The following RIC1 variants were observed in gnomAD, a reference collection of about 807,000 sequenced individuals.
The protein encoded by RIC1 is guanine nucleotide exchange factor subunit RIC1.
Under a neutral mutation model 169.0 loss-of-function variants are expected in RIC1, and 88 were observed. The observed-to-expected ratio is 0.52, with a 90% CI of 0.44 to 0.62. The LOEUF is 0.62. RIC1 is among the 20% of genes least tolerant of loss of function. The pLI, the probability that RIC1 is intolerant of heterozygous loss-of-function variation, is 0.00. For missense variants in RIC1, 1,877 were observed against 1,725.5 expected, an observed-to-expected ratio of 1.09 and a Z score of -1.56; for synonymous variants, 790 against 601.5, an observed-to-expected ratio of 1.31 and a Z score of -4.59.
At chr9:5,716,653 G>A (rs934944545) in intron 4 of RIC1, among the ~76,000 whole-genome samples, 7 of 152,196 alleles carry the variant, frequency 4.6e-5, no homozygotes, top group African/African-American at 1.4e-4. Flanking sequence ...GAAAAGACAT[G>A]GGTTATTAGT....
intron 23 of RIC1, 129 bp downstream of exon 23, chr9:5,770,407 A>T: frequency 2.4e-6 from 2 of 834,622 alleles, no homozygotes; most frequent in Non-Finnish European, 3.6e-6. Context: ...TCCACTGGAG[A>T]GGTAGAAAGT....
intron 5 of RIC1, 98 bp from the exon 6 acceptor site, chr9:5,720,516 T>C: frequency 1.6e-6 from 2 of 1,287,434 alleles, no homozygotes; most frequent in Non-Finnish European, 2.1e-6. Context: ...TAGGTCATTA[T>C]TTTTACCCTT....
In RIC1 at chr9:5,690,058, T is replaced by G; in HGVS notation, c.332+20T>G. ...TCCCAAGTAAGTTTGTTGCCTTTCA[T>G]TCTTTTAATATGTGATTTGCATACT... On this transcript the variant is annotated intron_variant, in intron 3 of 25. Transcript: ENST00000414202. 6.7e-7 allele frequency: 1 copy of G among 1,491,954 alleles called. No individual in the cohort carries two copies. Among genetic ancestry groups the G allele is most frequent in the Non-Finnish European group, 9.2e-7 (1 of 1,090,208 alleles). The allele number at this position is 1,491,954 out of a possible 1,614,324, so 92.4% of individuals were successfully genotyped here. A position where few individuals can be genotyped will look rare whatever the true frequency, so the allele number is the denominator to read the frequency against.
intron 4 of RIC1, among the ~76,000 whole-genome samples, chr9:5,719,770 A>C (rs1239592588): frequency 6.6e-6 from 1 of 152,212 alleles, no homozygotes; most frequent in Non-Finnish European, 1.5e-5. Flanking sequence ...ATCATTATTC[A>C]AAGTTTTATT....
chr9:5,753,205 C>T lies in RIC1; in HGVS notation c.1458C>T (p.Ser486=). The stretch of plus-strand genomic sequence containing the variant: ...TGATGTGTTATTTTCTATAGATTTC[C>T]AGCACCTATCTAGAGAGCAATTGGC... The part of the protein sequence containing the change: ...GHRHWHVVQI[S]STYLESNWPI... The change falls in exon 13 of 26, where the codon TCC becomes TCT. Residue 486 remains serine (S), a synonymous_variant. Transcript: ENST00000414202. 6.2e-7 allele frequency: 1 copy of T among 1,612,566 alleles called. No homozygotes were observed. Among genetic ancestry groups the T allele is most frequent in the Non-Finnish European group, 8.5e-7 (1 of 1,178,712 alleles).
At chr9:5,645,398 C>G (rs1219804433) in intron 1 of RIC1, among the ~76,000 whole-genome samples, 1 of 152,148 alleles carries the variant, frequency 6.6e-6, no homozygotes, top group Non-Finnish European at 1.5e-5. Context: ...CTTTATATGT[C>G]TTGATACAAA....
At chr9:5,741,671 G>A (rs953084819) in intron 8 of RIC1, among the ~76,000 whole-genome samples, 4 of 151,980 alleles carry the variant, frequency 2.6e-5, no homozygotes, top group African/African-American at 9.7e-5. Context: ...TATGCATCCT[G>A]CTCCTTGTTT....
chr9:5,692,383 T>A (rs1821636316), intron 3 of RIC1, among the ~76,000 whole-genome samples: 1 of 152,080 alleles, frequency 6.6e-6, no homozygotes, highest in Admixed American at 6.5e-5. Context: ...GCACCTAGCT[T>A]ATGGGATAAT....
At chr9:5,739,108 G>T (rs766994170) in intron 8 of RIC1, among the ~76,000 whole-genome samples, 2 of 152,132 alleles carry the variant, frequency 1.3e-5, no homozygotes, top group Non-Finnish European at 2.9e-5. Flanking sequence ...CAAGGCATCA[G>T]TCAAGGGTAT....
chr9:5,684,949 A>G (rs1225590728), intron 2 of RIC1, among the ~76,000 whole-genome samples: 1 of 152,120 alleles, frequency 6.6e-6, no homozygotes, highest in Non-Finnish European at 1.5e-5. Context: ...TTAGTTTGTT[A>G]ATAAGGTAAA....
At chr9:5,680,511 A>G (rs1265312716) in intron 2 of RIC1, among the ~76,000 whole-genome samples, 1 of 152,138 alleles carries the variant, frequency 6.6e-6, no homozygotes, top group Non-Finnish European at 1.5e-5. Flanking sequence ...TATTGCCTCA[A>G]TTTCAGAGCC....
chr9:5,642,091 A>C (rs1214469144), intron 1 of RIC1, among the ~76,000 whole-genome samples: 1 of 144,708 alleles, frequency 6.9e-6, no homozygotes, highest in Admixed American at 6.7e-5. Flanking sequence ...CAGTTATTCG[A>C]AGGGACTTGG....
intron 13 of RIC1, 83 bp downstream of exon 13, chr9:5,753,321 T>C: frequency 8.3e-7 from 1 of 1,209,016 alleles, no homozygotes; most frequent in Middle Eastern, 1.9e-4. Context: ...CTTCAGTGGG[T>C]GTACTGAGAA....
In RIC1 at chr9:5,769,139, C is replaced by CG; in HGVS notation, c.3310dup (p.Val1104GlyfsTer50). On this transcript the variant is annotated frameshift_variant, in exon 22 of 26. Coordinates refer to ENST00000414202, the MANE Select transcript of RIC1 (RefSeq NM_020829.4). LOFTEE classifies it high-confidence loss of function. ...ATGCAAGGAACGTACCCGAGCCGCC[C>CG]GGGTAGACAACTTTGTAATAGCCCT... 6.2e-7 allele frequency: 1 copy of CG among 1,614,096 alleles called. No individual in the cohort carries two copies. The highest frequency in any genetic ancestry group is 8.5e-7 in the Non-Finnish European group (1 of 1,179,976).
At chr9:5,773,898 A>G in intron 25 of RIC1, 60 bp from the exon 26 acceptor site, 1 of 1,440,102 alleles carries the variant, frequency 6.9e-7, no homozygotes, top group Non-Finnish European at 9.4e-7. Flanking sequence ...TTCACCCGTA[A>G]TGTTCTACCA....
intron 2 of RIC1, among the ~76,000 whole-genome samples, chr9:5,666,266 T>G (rs1224152025): frequency 6.6e-6 from 1 of 152,208 alleles, no homozygotes; most frequent in Non-Finnish European, 1.5e-5. Context: ...TATGGATATA[T>G]GTGATTTTTG....
chr9:5,637,964 G>T (rs963490717), intron 1 of RIC1, among the ~76,000 whole-genome samples: 2 of 152,166 alleles, frequency 1.3e-5, no homozygotes, highest in Non-Finnish European at 2.9e-5. Context: ...TACATACTCA[G>T]TATGATACTA....
chr9:5,678,926 A>G (rs1318968334), intron 2 of RIC1, among the ~76,000 whole-genome samples: 2 of 151,918 alleles, frequency 1.3e-5, no homozygotes, highest in Admixed American at 6.5e-5. Flanking sequence ...GCCCATGCCT[A>G]TGTCCTGAAT....
In RIC1 at chr9:5,656,584, C is replaced by G; in HGVS notation, c.146C>G (p.Pro49Arg). Reference protein sequence around the residue: ...AARLSIWYSRPSVLIVTYKEP... With the variant: ...AARLSIWYSRRSVLIVTYKEP... ...TTTTTTTTTTTTTTAATCACACAGC[C>G]TAGTGTGTTAATTGTAACCTACAAG... The change falls in exon 2 of 26, where the codon CCT becomes CGT. Residue 49 changes from proline (P) to arginine (R), a missense_variant and splice_region_variant. Around this residue, in one of 3 missense-constraint regions of RIC1, gnomAD observed 1,104 missense variants for 992.0 expected, o/e 1.11. Coordinates refer to ENST00000414202, the MANE Select transcript of RIC1 (RefSeq NM_020829.4). 1 of 1,539,818 alleles carries G rather than the reference C, an allele frequency of 6.5e-7. No individual in the cohort carries two copies. The highest frequency in any genetic ancestry group is 8.8e-7 in the Non-Finnish European group (1 of 1,130,886).
Sources: gnomAD v4.1 joint callset for allele counts (sites outside exome capture counted in the v4.1 genomes callset) on GRCh38, gnomAD v4.1.1 for gene constraint, gnomAD v4.1.1 regional missense constraint, MANE v1.5 for transcripts, NCBI Gene and HGNC (gene_info 2026-07-23, HGNC 2026-07-21) for gene names.